PPM1H: variants seen among roughly 807,000 people sequenced by gnomAD.
PPM1H encodes protein phosphatase, Mg2+/Mn2+ dependent 1H.
Under a neutral mutation model 54.9 loss-of-function variants are expected in PPM1H, and 27 were observed. That is an observed-to-expected ratio of 0.49 (90% CI 0.36 to 0.68). The LOEUF (loss-of-function observed/expected upper bound fraction) is 0.68. PPM1H is among the 30% of genes least tolerant of loss of function. PPM1H has a pLI of 0.00. For missense variants in PPM1H, 596 were observed against 667.8 expected (o/e 0.89, Z 1.19); for synonymous variants, 305 against 270.8 (o/e 1.13, Z -1.24).
chr12:62,921,241 T>TA (rs1286747138), intron 1 of PPM1H, among the ~76,000 whole-genome samples: 3 of 152,136 alleles, frequency 2.0e-5, no homozygotes, highest in Admixed American at 6.5e-5. Flanking sequence ...ATTTTCATTT[T>TA]AAAAAAAATC....
chr12:62,756,000 C>G (rs920656399), intron 4 of PPM1H: 26 of 1,371,986 alleles, frequency 1.9e-5, no homozygotes, highest in Non-Finnish European at 2.5e-5. Context: ...ATGATGACAT[C>G]AAGAAGGTGG....
rs75547134 is a variant in PPM1H, at chr12:62,899,351, A to G, written c.245+35141T>C. 2.3e-4 allele frequency among the ~76,000 whole-genome samples: 35 copies of G among 152,268 alleles called. No individual in the cohort carries two copies. The East Asian group carries it at 6.2e-3, about 27-fold the overall frequency. On this transcript the variant is annotated intron_variant, in intron 1 of 9. Transcript: ENST00000228705. Reference sequence around the variant, plus strand: ...CTTGGGAGGCCAAGGTGGGAGGACCACTTGAGGCCAGGAGTTTGAGATCAG... The same window carrying G: ...CTTGGGAGGCCAAGGTGGGAGGACCGCTTGAGGCCAGGAGTTTGAGATCAG...
At chr12:62,731,146 T>G (rs912126129) in intron 5 of PPM1H, among the ~76,000 whole-genome samples, 5 of 152,220 alleles carry the variant, frequency 3.3e-5, no homozygotes, top group Non-Finnish European at 7.3e-5. Flanking sequence ...GGGGACCTAT[T>G]GTAAACAGAA....
At chr12:62,811,584 A>G (rs765069693) in intron 2 of PPM1H, among the ~76,000 whole-genome samples, 1 of 152,202 alleles carries the variant, frequency 6.6e-6, no homozygotes, top group African/African-American at 2.4e-5. Context: ...TGTAGTTCTT[A>G]TAATCCCCAC....
At chr12:62,907,901 T>C (rs1871346902) in intron 1 of PPM1H, among the ~76,000 whole-genome samples, 1 of 152,100 alleles carries the variant, frequency 6.6e-6, no homozygotes, top group Non-Finnish European at 1.5e-5. Context: ...CTCTCTACAT[T>C]CAGAACAGAG....
rs558856410 is a variant in PPM1H, at chr12:62,658,135, G to A, written c.1397+9043C>T. 6.2e-4 allele frequency among the ~76,000 whole-genome samples: 92 copies of A among 147,462 alleles called. 1 individual carries two copies. The highest frequency in any genetic ancestry group is 2.2e-3 in the African/African-American group (88 of 40,330). On this transcript the variant is annotated intron_variant, in intron 9 of 9. Coordinates refer to ENST00000228705, the MANE Select transcript of PPM1H (RefSeq NM_020700.2). The stretch of plus-strand genomic sequence containing the variant: ...CAATCCCAGCACTTTGGGAGGCCAA[G>A]GCAGAGGCAGGAGGATTGCTTGAGA...
At chr12:62,878,187 C>A (rs1288656945) in intron 1 of PPM1H, among the ~76,000 whole-genome samples, 1 of 152,176 alleles carries the variant, frequency 6.6e-6, no homozygotes, top group South Asian at 2.1e-4. Flanking sequence ...CGTGAGCCAC[C>A]GCGCCCAGCC....
chr12:62,825,526 A>G (rs1404498621), intron 2 of PPM1H, among the ~76,000 whole-genome samples: 2 of 152,344 alleles, frequency 1.3e-5, no homozygotes, highest in South Asian at 2.1e-4. Context: ...AATGTGGCAC[A>G]TATATACCAC....
chr12:62,793,090 A>G (rs1203328862), intron 3 of PPM1H, among the ~76,000 whole-genome samples: 2 of 152,210 alleles, frequency 1.3e-5, no homozygotes, highest in African/African-American at 2.4e-5. Flanking sequence ...CTGATTTAGA[A>G]TATCTCCCTA....
At chr12:62,732,787 T>A (rs925031869) in intron 5 of PPM1H, among the ~76,000 whole-genome samples, 2 of 152,140 alleles carry the variant, frequency 1.3e-5, no homozygotes, top group Admixed American at 6.5e-5. Context: ...TTAGCCAGGA[T>A]GGGGACCCAG....
At chr12:62,748,419 A>T (rs1464360763) in intron 4 of PPM1H, among the ~76,000 whole-genome samples, 2 of 152,134 alleles carry the variant, frequency 1.3e-5, no homozygotes, top group African/African-American at 4.8e-5. Flanking sequence ...TCTAGTTTAA[A>T]AAAGTCCTGG....
At chr12:62,709,850 C>G (rs1396100491) in intron 6 of PPM1H, among the ~76,000 whole-genome samples, 1 of 150,882 alleles carries the variant, frequency 6.6e-6, no homozygotes, top group Admixed American at 6.6e-5. Context: ...GCGGGCGGAT[C>G]ACCTGAGGTT....
intron 1 of PPM1H, among the ~76,000 whole-genome samples, chr12:62,921,939 G>A (rs1871812634): frequency 6.6e-6 from 1 of 152,178 alleles, no homozygotes; most frequent in Non-Finnish European, 1.5e-5. Flanking sequence ...TTACTTCTAA[G>A]TAGCTACTGA....
At chr12:62,759,860 C>T (rs920117209) in intron 4 of PPM1H, among the ~76,000 whole-genome samples, 3 of 151,298 alleles carry the variant, frequency 2.0e-5, no homozygotes, top group Non-Finnish European at 4.4e-5. Context: ...CAAGCATCTC[C>T]CACCCTGTTT....
At chr12:62,740,966 G>A (rs2076378221) in intron 4 of PPM1H, among the ~76,000 whole-genome samples, 1 of 152,132 alleles carries the variant, frequency 6.6e-6, no homozygotes, top group Admixed American at 6.5e-5. Flanking sequence ...AACCTTTCTA[G>A]CCCACATATC....
At chr12:62,795,922 T>G (rs1290323253) in intron 3 of PPM1H, among the ~76,000 whole-genome samples, 1 of 151,846 alleles carries the variant, frequency 6.6e-6, no homozygotes, top group Non-Finnish European at 1.5e-5. Context: ...AGAGACAGGG[T>G]TTCGCCATGT....
chr12:62,713,969 A>T (rs551932046), intron 6 of PPM1H, among the ~76,000 whole-genome samples: 3 of 151,322 alleles, frequency 2.0e-5, no homozygotes, highest in South Asian at 4.2e-4. Flanking sequence ...CCCTGTCTTT[A>T]AAAAAAACAA....
intron 1 of PPM1H, among the ~76,000 whole-genome samples, chr12:62,923,092 A>G (rs1871853231): frequency 6.6e-6 from 1 of 152,152 alleles, no homozygotes; most frequent in African/African-American, 2.4e-5. Flanking sequence ...GGCCCCTTCC[A>G]TGCACAAGGA....
intron 8 of PPM1H, among the ~76,000 whole-genome samples, chr12:62,667,751 A>G (rs1324290105): frequency 2.6e-5 from 4 of 152,230 alleles, no homozygotes; most frequent in African/African-American, 7.2e-5. Context: ...CTATAAATGC[A>G]AAGTTAAATA....
Sources: gnomAD v4.1 joint callset for allele counts (sites outside exome capture counted in the v4.1 genomes callset) on GRCh38, gnomAD v4.1.1 for gene constraint, MANE v1.5 for transcripts, NCBI Gene and HGNC (gene_info 2026-07-23, HGNC 2026-07-21) for gene names.